The following ZNF516 variants were observed in gnomAD, a reference collection of about 807,000 sequenced individuals.
ZNF516 encodes the protein zinc finger protein 516.
Under a neutral mutation model 79.7 loss-of-function variants are expected in ZNF516, and 19 were observed. The ratio of observed to expected loss-of-function variants is 0.24; its 90% CI spans 0.17 to 0.35. The LOEUF is 0.35. ZNF516 is among the 10% of genes least tolerant of loss of function. ZNF516 has a pLI of 1.00. For synonymous variants in ZNF516, 877 were observed against 739.5 expected, an observed-to-expected ratio of 1.19 and a Z score of -3.02; for missense variants, 1,678 against 1,679.5, an observed-to-expected ratio of 1.00 and a Z score of 0.02.
At chr18:76,440,381 TA>T (rs1267650557) in intron 3 of ZNF516, among the ~76,000 whole-genome samples, 1 of 152,196 alleles carries the variant, frequency 6.6e-6, no homozygotes, top group Admixed American at 6.5e-5. Context: ...ACAGTCCAGG[TA>T]AAAAGCAACA....
chr18:76,412,017 G>A (rs1056281045), intron 3 of ZNF516, among the ~76,000 whole-genome samples: 7 of 151,838 alleles, frequency 4.6e-5, no homozygotes, highest in Middle Eastern at 3.4e-3. Flanking sequence ...ATCATAAAAC[G>A]TATCCTCTCC....
chr18:76,468,406 A>C (rs76445831), intron 1 of ZNF516, among the ~76,000 whole-genome samples: 1,592 of 147,882 alleles, frequency 0.011, 16 homozygotes, highest in South Asian at 0.033. Context: ...TTTTAGGCTC[A>C]TCATTAGTGT....
chr18:76,496,204 C>G (rs1444980639), upstream of ZNF516: 18 of 1,196,734 alleles, frequency 1.5e-5, no homozygotes, highest in Non-Finnish European at 1.8e-5. Flanking sequence ...CGAGGGCGAG[C>G]GCCCCTTCAC....
intron 3 of ZNF516, among the ~76,000 whole-genome samples, chr18:76,436,107 C>A (rs1798806421): frequency 6.6e-6 from 1 of 152,252 alleles, no homozygotes; most frequent in Non-Finnish European, 1.5e-5. Flanking sequence ...GACGAAGGAA[C>A]TGGGCAGAGC....
At chr18:76,436,548 G>C (rs979909546) in intron 3 of ZNF516, among the ~76,000 whole-genome samples, 2 of 152,162 alleles carry the variant, frequency 1.3e-5, no homozygotes, top group African/African-American at 4.8e-5. Flanking sequence ...GAGTCCCCGA[G>C]AGACTCAGCA....
At chr18:76,453,666 T>C (rs1415176184) in intron 2 of ZNF516, among the ~76,000 whole-genome samples, 3 of 152,224 alleles carry the variant, frequency 2.0e-5, no homozygotes, top group Admixed American at 6.5e-5. Flanking sequence ...AACTCAAAAC[T>C]GTGGAAACTG....
Position 76,441,675 on chromosome 18 carries a change from G to A in ZNF516, c.1380C>T (p.Ser460=). The A allele has an allele frequency of 6.4e-7, 1 of 1,554,194 alleles. No homozygotes were observed. The change falls in exon 3 of 7, where the codon AGC becomes AGT. Residue 460 remains serine, a synonymous_variant. Transcript: ENST00000443185. ...DKDRREYVLV[S]QEKRKREQDA... ...CCTGCTCACGCTTGCGCTTCTCCTG[G>A]CTCACCAGGACGTACTCGCGCCTGT...
At chr18:76,474,465 T>C (rs1284266466) in intron 1 of ZNF516, among the ~76,000 whole-genome samples, 3 of 152,148 alleles carry the variant, frequency 2.0e-5, no homozygotes, top group Admixed American at 6.5e-5. Flanking sequence ...TTTGGAAAAT[T>C]CTAAACTCTC....
At chr18:76,445,323 AG>A (rs1304906399) in intron 2 of ZNF516, among the ~76,000 whole-genome samples, 1 of 152,024 alleles carries the variant, frequency 6.6e-6, no homozygotes, top group East Asian at 1.9e-4. Flanking sequence ...TAAGCTTACC[AG>A]GAAGATTTCT....
chr18:76,455,996 G>A (rs1441700792), intron 2 of ZNF516, among the ~76,000 whole-genome samples: 1 of 152,188 alleles, frequency 6.6e-6, no homozygotes, highest in Non-Finnish European at 1.5e-5. Flanking sequence ...CCCAGAGACT[G>A]GGCTCGGCAT....
In ZNF516 at chr18:76,360,644, A is replaced by AT. The variant is rs3991208; in HGVS notation, c.*1853_*1854insA. The AT allele has an allele frequency of 1.4e-3, 144 of 101,600 alleles. No individual in the cohort carries two copies. The highest frequency in any genetic ancestry group is 5.0e-3 in the South Asian group (14 of 2,774). The allele number at this position is 101,600 out of a possible 1,614,324, so 6.3% of individuals were successfully genotyped here. A position where few individuals can be genotyped will look rare whatever the true frequency, so the allele number is the denominator to read the frequency against. ...AGAAAAAAATAAGTAAAAAAAAAAA[A>AT]AAATATATATATATATATATATATA... On this transcript the variant is annotated 3_prime_UTR_variant, in exon 7 of 7. Coordinates refer to ENST00000443185, the MANE Select transcript of ZNF516 (RefSeq NM_014643.4).
At chr18:76,492,921 G>T in intron 1 of ZNF516, 1 of 985,596 alleles carries the variant, frequency 1.0e-6, no homozygotes, top group Non-Finnish European at 1.2e-6. Flanking sequence ...GAAGCCTGCG[G>T]ATGCGCGGGG....
chr18:76,418,918 T>C (rs1406737411), intron 3 of ZNF516, among the ~76,000 whole-genome samples: 1 of 152,240 alleles, frequency 6.6e-6, no homozygotes, highest in Non-Finnish European at 1.5e-5. Flanking sequence ...GCAGGGCAGA[T>C]GGGTGCCCAC....
intron 3 of ZNF516, among the ~76,000 whole-genome samples, chr18:76,441,022 G>A (rs1019427934): frequency 6.6e-6 from 1 of 152,172 alleles, no homozygotes; most frequent in Non-Finnish European, 1.5e-5. Context: ...ACAGATTCCT[G>A]GGTGTGGGGG....
chr18:76,451,721 G>T lies in ZNF516; in HGVS notation c.-157-8510C>A, dbSNP rs1017442753. Among the ~76,000 whole-genome samples the T allele has an allele frequency of 6.6e-6, 1 of 152,132 alleles. No homozygotes were observed. Among genetic ancestry groups the T allele is most frequent in the African/African-American group, 2.4e-5 (1 of 41,418 alleles). The stretch of plus-strand genomic sequence containing the variant: ...TGTTCTCCGGGAAACAATGAGACGG[G>T]CTTCACTAGTTACACTGTAGTATTA... On this transcript the variant is annotated intron_variant, in intron 2 of 6. Coordinates refer to ENST00000443185, the MANE Select transcript of ZNF516 (RefSeq NM_014643.4). The surrounding 1 kb of genome is among the most constrained non-coding windows in gnomAD (Gnocchi z 6.0).
intron 3 of ZNF516, among the ~76,000 whole-genome samples, chr18:76,435,786 G>T (rs1368081129): frequency 1.3e-5 from 2 of 152,222 alleles, no homozygotes; most frequent in Non-Finnish European, 2.9e-5. Flanking sequence ...GGCACACCGT[G>T]CCAGCTCTTC....
intron 1 of ZNF516, chr18:76,492,920 G>C: frequency 2.0e-6 from 2 of 985,574 alleles, no homozygotes; most frequent in Non-Finnish European, 2.4e-6. Flanking sequence ...AGAAGCCTGC[G>C]GATGCGCGGG....
chr18:76,490,919 G>A (rs1915142390), intron 1 of ZNF516: 4 of 985,574 alleles, frequency 4.1e-6, no homozygotes, highest in Non-Finnish European at 4.8e-6. Context: ...GCCATCCCCG[G>A]CCTCTTTACC....
At chr18:76,385,810 G>T (rs553714702) in intron 3 of ZNF516, 2 of 151,446 alleles carry the variant, frequency 1.3e-5, no homozygotes. Flanking sequence ...CCATGGGAGC[G>T]GTTGCCTCAC....
Sources: allele counts gnomAD v4.1 joint callset (sites outside exome capture counted in the v4.1 genomes callset), GRCh38; gene constraint gnomAD v4.1.1; non-coding constraint Gnocchi (gnomAD v3.1); transcripts MANE v1.5; gene names NCBI Gene and HGNC (gene_info 2026-07-23, HGNC 2026-07-21).